Variants in TTC3 observed in about 807,000 individuals in gnomAD.
The protein encoded by TTC3 is tetratricopeptide repeat domain 3.
TTC3 carries 180 observed loss-of-function variants against 249.6 expected under a neutral mutation model. The observed-to-expected ratio is 0.72, with a 90% CI of 0.64 to 0.82. The LOEUF is 0.82. TTC3 is among the 40% of genes least tolerant of loss of function. TTC3 has a pLI of 0.00. For synonymous variants in TTC3, 717 were observed against 805.0 expected (o/e 0.89, Z 1.85); for missense variants, 2,061 against 2,398.4 (o/e 0.86, Z 2.94).
chr21:37,133,779 G>A (rs1271349723), intron 17 of TTC3, among the ~76,000 whole-genome samples: 1 of 152,174 alleles, frequency 6.6e-6, no homozygotes, highest in Non-Finnish European at 1.5e-5. Context: ...GGGCATGGTG[G>A]CACGTGTCTG....
chr21:37,134,969 G>T (rs756965341), intron 17 of TTC3, among the ~76,000 whole-genome samples: 2 of 152,124 alleles, frequency 1.3e-5, no homozygotes, highest in Non-Finnish European at 2.9e-5. Context: ...TTAAAATCTG[G>T]TAGTGATCAG....
chr21:37,127,517 A>G (rs1044430526), intron 15 of TTC3, among the ~76,000 whole-genome samples: 2 of 152,218 alleles, frequency 1.3e-5, no homozygotes, highest in African/African-American at 4.8e-5. Flanking sequence ...TCTAAAGTAT[A>G]TTACATGCTT....
intron 11 of TTC3, among the ~76,000 whole-genome samples, chr21:37,112,844 T>A (rs1390008072): frequency 6.6e-6 from 1 of 152,226 alleles, no homozygotes; most frequent in East Asian, 1.9e-4. Flanking sequence ...TTATCCACCA[T>A]GATCAAGTGG....
intron 1 of TTC3, among the ~76,000 whole-genome samples, chr21:37,076,771 C>T (rs1274300519): frequency 2.2e-5 from 3 of 137,600 alleles, no homozygotes; most frequent in South Asian, 2.3e-4. Flanking sequence ...GGCACGATCT[C>T]GGCTCACTGC....
At chr21:37,102,937 C>T (rs1403228685) in intron 10 of TTC3, among the ~76,000 whole-genome samples, 2 of 152,176 alleles carry the variant, frequency 1.3e-5, no homozygotes, top group East Asian at 1.9e-4. Flanking sequence ...GCAAAGGTTT[C>T]AGTGAGCTGA....
intron 9 of TTC3, 80 bp from the exon 10 acceptor site, chr21:37,096,501 C>T (rs1020486664): frequency 9.5e-6 from 11 of 1,162,888 alleles, no homozygotes; most frequent in South Asian, 4.2e-5. Flanking sequence ...AAAGTTTTCT[C>T]ATGCCTTATG....
rs573361133 is a variant in TTC3, at chr21:37,122,616, G to C, written c.1064-367G>C. On this transcript the variant is annotated intron_variant, in intron 12 of 45. Transcript: ENST00000355666. ...GAGTCTTTCCTGCTTTTTCTTCTTC[G>C]GGTTGTACAAAGCTGAGCTGAACAG... Among the ~76,000 whole-genome samples, 5 of 151,230 alleles carry C rather than the reference G, an allele frequency of 3.3e-5. No individual in the cohort carries two copies. The South Asian group carries it at 8.4e-4, about 25-fold the overall frequency.
chr21:37,171,158 C>T (rs1226005520), intron 34 of TTC3, among the ~76,000 whole-genome samples: 1 of 152,158 alleles, frequency 6.6e-6, no homozygotes. Context: ...GGCCTGTTTA[C>T]TGTTGTTGAA....
At chr21:37,087,092 G>A in intron 1 of TTC3, 155 bp from the exon 2 acceptor site, 1 of 746,644 alleles carries the variant, frequency 1.3e-6, no homozygotes, top group Non-Finnish European at 2.2e-6. Flanking sequence ...GCAGAATGGG[G>A]ACGAGAATCT....
At chr21:37,094,944 G>T (rs1429856612) in intron 8 of TTC3, among the ~76,000 whole-genome samples, 2 of 151,856 alleles carry the variant, frequency 1.3e-5, no homozygotes, top group African/African-American at 4.8e-5. Context: ...GACCAGCTGG[G>T]GTAACATAGC....
exon 20 of TTC3, chr21:37,140,567 T>A: frequency 6.3e-7 from 1 of 1,582,174 alleles, no homozygotes; most frequent in Non-Finnish European, 8.6e-7. Context: ...CAAGGAATTA[T>A]CTGAAGCCGA....
chr21:37,091,398 A>G (rs1369333274), exon 7 of TTC3: 1 of 1,608,654 alleles, frequency 6.2e-7, no homozygotes, highest in East Asian at 2.2e-5. Context: ...TATGTTAAGT[A>G]TTTTCTTTAC....
exon 46 of TTC3, chr21:37,203,009 C>T (rs1178617864): frequency 5.9e-5 from 9 of 152,204 alleles, no homozygotes; most frequent in East Asian, 1.9e-4. Context: ...GAGGAACATC[C>T]GTTGAATGAG....
At chr21:37,191,612 C>T (rs2084116876) in intron 40 of TTC3, among the ~76,000 whole-genome samples, 188 bp downstream of exon 40, 1 of 152,012 alleles carries the variant, frequency 6.6e-6, no homozygotes, top group Non-Finnish European at 1.5e-5. Flanking sequence ...GAGTTTCGCT[C>T]TTGTTGCCCA....
exon 3 of TTC3, chr21:37,087,845 A>G: frequency 6.3e-7 from 1 of 1,594,638 alleles, no homozygotes; most frequent in Non-Finnish European, 8.6e-7. Context: ...TGTGCAATAT[A>G]AAGATTATAT....
intron 36 of TTC3, among the ~76,000 whole-genome samples, chr21:37,184,720 C>T (rs1363580140): frequency 3.3e-5 from 5 of 150,654 alleles, no homozygotes; most frequent in Non-Finnish European, 7.4e-5. Context: ...CCACCCATCT[C>T]GGCCTCCCAA....
intron 16 of TTC3, among the ~76,000 whole-genome samples, chr21:37,129,641 G>A (rs773001279): frequency 6.7e-6 from 1 of 149,618 alleles, no homozygotes; most frequent in South Asian, 2.1e-4. Context: ...CTTTTTTTTT[G>A]TTTTTTTGAG....
chr21:37,168,098 AGTT>A (rs2081406663), intron 34 of TTC3, among the ~76,000 whole-genome samples: 1 of 152,152 alleles, frequency 6.6e-6, no homozygotes, highest in South Asian at 2.1e-4. Context: ...ATAAGAGAAA[AGTT>A]GTCTTATCAA....
intron 45 of TTC3, 80 bp from the exon 46 acceptor site, chr21:37,201,360 C>T (rs925153564): frequency 3.1e-6 from 5 of 1,593,296 alleles, no homozygotes; most frequent in Non-Finnish European, 3.4e-6. Context: ...CCACGCCTGC[C>T]AAGGAGCCCA....
Sources: allele counts gnomAD v4.1 joint callset (sites outside exome capture counted in the v4.1 genomes callset), GRCh38; gene constraint gnomAD v4.1.1; transcripts MANE v1.5; gene names NCBI Gene and HGNC (gene_info 2026-07-23, HGNC 2026-07-21).